Variants in LMO2 observed in about 807,000 individuals in gnomAD.
The protein encoded by LMO2 is rhombotin-2.
LMO2 carries 20 observed loss-of-function variants against 23.2 expected under a neutral mutation model. The observed-to-expected ratio is 0.86, with a 90% confidence interval of 0.61 to 1.25. The LOEUF (loss-of-function observed/expected upper bound fraction) is 1.25. Ranked by LOEUF, LMO2 falls within the 50% of genes most tolerant of loss-of-function variation. The pLI, the probability that LMO2 is intolerant of heterozygous loss-of-function variation, is 0.00. For synonymous variants in LMO2, 123 were observed against 130.2 expected (o/e 0.94, Z 0.38); for missense variants, 270 against 315.3 (o/e 0.86, Z 1.09).
chr11:33,859,651 T>C, intron 5 of LMO2, 76 bp from the exon 6 acceptor site: 1 of 1,389,334 alleles, frequency 7.2e-7, no homozygotes, highest in Non-Finnish European at 9.9e-7. Context: ...GGATGAGCCC[T>C]AGAAAGGAGG....
rs1230047905 is a variant in LMO2, at chr11:33,859,306, A to G, written c.*50T>C. 17 of 1,378,580 alleles carry G rather than the reference A, an allele frequency of 1.2e-5. No homozygotes were observed. The highest frequency in any genetic ancestry group is 1.7e-5 in the Non-Finnish European group (17 of 971,944). 85.4% of individuals were successfully genotyped at this position (1,378,580 alleles called of 1,614,324 possible). A position where few individuals can be genotyped will look rare whatever the true frequency, so the allele number is the denominator to read the frequency against. ...AAGAGTGAAGACGAAGATGCCATGGAGACGGCGTCTTCAGTGAACACCTCC... is the reference window on the plus strand; with the variant it reads ...AAGAGTGAAGACGAAGATGCCATGGGGACGGCGTCTTCAGTGAACACCTCC... On this transcript the variant is annotated 3_prime_UTR_variant, in exon 6 of 6. Transcript: ENST00000257818.
intron 2 of LMO2, among the ~76,000 whole-genome samples, chr11:33,874,763 G>A (rs1857097424): frequency 6.6e-6 from 1 of 152,212 alleles, no homozygotes; most frequent in African/African-American, 2.4e-5. Flanking sequence ...TGGGTAGGCT[G>A]CTGACAGCTT....
At chr11:33,886,556 G>C (rs1326944787) in intron 1 of LMO2, among the ~76,000 whole-genome samples, 1 of 152,156 alleles carries the variant, frequency 6.6e-6, no homozygotes, top group African/African-American at 2.4e-5. Context: ...AGCTATATCA[G>C]GCATAGCCAG....
At chr11:33,869,675 G>A in intron 3 of LMO2, 35 bp downstream of exon 3, 3 of 1,264,222 alleles carry the variant, frequency 2.4e-6, no homozygotes, top group Admixed American at 4.0e-5. Context: ...CTGGCTCCAG[G>A]CGGCTGCAGC....
At chr11:33,871,005 T>A in intron 2 of LMO2, 1 of 932,886 alleles carries the variant, frequency 1.1e-6, no homozygotes, top group Non-Finnish European at 1.3e-6. Flanking sequence ...TATTTGTGCG[T>A]GATGCCAGTC....
At position 33,891,790 on chromosome 11, in the gene LMO2, C is replaced by T. The variant is rs577723913; in HGVS notation, c.-336+5G>A. ...TTCATCAGAGAATTAATGAAGCCTA[C>T]TCACCAGCAGATGATGTAATCCTGG... is the stretch of plus-strand genomic sequence containing the variant. On this transcript the variant is annotated splice_donor_5th_base_variant and intron_variant, in intron 1 of 5. Transcript: ENST00000257818. 1 of 152,188 alleles carries T rather than the reference C, an allele frequency of 6.6e-6. No individual in the cohort carries two copies. Among genetic ancestry groups the T allele is most frequent in the Non-Finnish European group, 1.5e-5 (1 of 68,050 alleles). 9.4% of individuals were successfully genotyped at this position (152,188 alleles called of 1,614,324 possible).
chr11:33,864,579 C>CAGTGGAGTGCCGGGGAGGGTACCTG lies in LMO2; in HGVS notation c.462_464+22dup. On this transcript the variant is annotated intron_variant, in intron 5 of 5. Coordinates refer to ENST00000257818, the MANE Select transcript of LMO2 (RefSeq NM_005574.4). This position sits in a 1 kb window ranked among gnomAD's most constrained non-coding sequence, Gnocchi z 4.8. The stretch of plus-strand genomic sequence containing the variant: ...CCACCCAGCCTCCCTTCCGAGGGCC[C>CAGTGGAGTGCCGGGGAGGGTACCTG]AGTGGAGTGCCGGGGAGGGTACCTG... 6.2e-7 allele frequency: 1 copy of CAGTGGAGTGCCGGGGAGGGTACCTG among 1,600,026 alleles called. No individual in the cohort carries two copies. Among genetic ancestry groups the CAGTGGAGTGCCGGGGAGGGTACCTG allele is most frequent in the Non-Finnish European group, 8.5e-7 (1 of 1,171,008 alleles).
intron 1 of LMO2, among the ~76,000 whole-genome samples, chr11:33,882,113 C>T (rs1482006801): frequency 2.0e-5 from 3 of 152,060 alleles, no homozygotes; most frequent in Admixed American, 6.6e-5. Flanking sequence ...TGGATTCTAA[C>T]GGTTTCTTTG....
chr11:33,883,260 G>C lies in LMO2; in HGVS notation c.-335-1373C>G, dbSNP rs1427688272. On this transcript the variant is annotated intron_variant, in intron 1 of 5. Transcript: ENST00000257818. ...GATAAGTTAGTAGACACTGTCCAAA[G>C]TATTGTGTTAAGAAGAATTGTGAGT... Among the ~76,000 whole-genome samples, 6 of 152,238 alleles carry C rather than the reference G, an allele frequency of 3.9e-5. No individual in the cohort carries two copies. In the South Asian group the frequency reaches 6.2e-4, roughly 16 times the overall value.
At chr11:33,859,610 G>T in intron 5 of LMO2, 35 bp from the exon 6 acceptor site, 1 of 1,593,790 alleles carries the variant, frequency 6.3e-7, no homozygotes. Flanking sequence ...AGAAGACAGT[G>T]AAAGGGACAA....
intron 4 of LMO2, among the ~76,000 whole-genome samples, chr11:33,865,856 T>C (rs1387535112): frequency 6.6e-6 from 1 of 152,266 alleles, no homozygotes; most frequent in Non-Finnish European, 1.5e-5. Context: ...GGAATTATTC[T>C]AGTGTCCCCC....
rs1349944984 is a variant in LMO2 at position 33,864,809 on chromosome 11, A to G, written c.257T>C (p.Val86Ala). 6.2e-7 allele frequency: 1 copy of G among 1,613,512 alleles called. No homozygotes were observed. The highest frequency in any genetic ancestry group is 1.6e-4 in the Middle Eastern group (1 of 6,062). ...RKSLDPSEEP[V>A]DEVLQIPPSL... Reference sequence around the variant, plus strand: ...TGGGGGGATCTGCAGCACCTCATCCACTGGTTCCCTGGAGAGAAGGCCAAG... The same window carrying G: ...TGGGGGGATCTGCAGCACCTCATCCGCTGGTTCCCTGGAGAGAAGGCCAAG... The change falls in exon 5 of 6, where the codon GTG becomes GCG. Residue 86 changes from valine to alanine, a missense_variant. Coordinates refer to ENST00000257818, the MANE Select transcript of LMO2 (RefSeq NM_005574.4). The surrounding 1 kb of genome is among the most constrained non-coding windows in gnomAD (Gnocchi z 4.8).
chr11:33,858,810 G>A lies in LMO2; in HGVS notation c.*546C>T, dbSNP rs1234800670. 4.0e-5 allele frequency: 9 copies of A among 225,338 alleles called. No individual in the cohort carries two copies. The highest frequency in any genetic ancestry group is 1.3e-4 in the African/African-American group (6 of 44,884). 14.0% of individuals were successfully genotyped at this position (225,338 alleles called of 1,614,324 possible). ...AAAGTTGTGGTTTCCATTCTCAACCGAAATGCGTCTCCATGCAGTTTTCCT... is the reference window on the plus strand; with the variant it reads ...AAAGTTGTGGTTTCCATTCTCAACCAAAATGCGTCTCCATGCAGTTTTCCT... On this transcript the variant is annotated 3_prime_UTR_variant, in exon 6 of 6. Transcript: ENST00000257818.
chr11:33,883,581 A>G (rs1857336084), intron 1 of LMO2, among the ~76,000 whole-genome samples: 1 of 152,218 alleles, frequency 6.6e-6, no homozygotes, highest in African/African-American at 2.4e-5. Flanking sequence ...AGATTGGATT[A>G]GGGAGAGATC....
rs527644518 is a variant in LMO2 at position 33,887,924 on chromosome 11, G to A, written c.-336+3871C>T. Among the ~76,000 whole-genome samples the A allele has an allele frequency of 5.9e-5, 9 of 152,222 alleles. No homozygotes were observed. The South Asian group carries it at 1.9e-3, about 32-fold the overall frequency. ...AGTCCATGGAAGACTCTTGAACAGG[G>A]GAAGGATGTGAGTGGAGTTGCATTT... On this transcript the variant is annotated intron_variant, in intron 1 of 5. Coordinates refer to ENST00000257818, the MANE Select transcript of LMO2 (RefSeq NM_005574.4).
chr11:33,875,818 C>T (rs992454707), intron 2 of LMO2, among the ~76,000 whole-genome samples: 6 of 152,210 alleles, frequency 3.9e-5, no homozygotes, highest in Non-Finnish European at 7.3e-5. Context: ...TTTGTTTAGG[C>T]AGCCTGTCTC....
chr11:33,886,341 A>G (rs1048595700), intron 1 of LMO2, among the ~76,000 whole-genome samples: 1 of 152,182 alleles, frequency 6.6e-6, no homozygotes, highest in African/African-American at 2.4e-5. Context: ...TCTATGATAA[A>G]AGTAGTTTGT....
intron 5 of LMO2, among the ~76,000 whole-genome samples, chr11:33,861,114 A>G (rs1856561593): frequency 6.6e-6 from 1 of 152,220 alleles, no homozygotes; most frequent in Admixed American, 6.5e-5. Context: ...ACCCATGGTC[A>G]AGGGCTAAGC....
intron 2 of LMO2, among the ~76,000 whole-genome samples, chr11:33,878,936 C>T (rs1857199685): frequency 6.6e-6 from 1 of 152,154 alleles, no homozygotes; most frequent in Non-Finnish European, 1.5e-5. Context: ...GAATTGAAGC[C>T]TTCAAATATC....
Sources: gnomAD v4.1 joint callset for allele counts (sites outside exome capture counted in the v4.1 genomes callset) on GRCh38, gnomAD v4.1.1 for gene constraint, Gnocchi (gnomAD v3.1) non-coding constraint, MANE v1.5 for transcripts, NCBI Gene and HGNC (gene_info 2026-07-23, HGNC 2026-07-21) for gene names.